Variants in PDCD10 observed in about 807,000 individuals in gnomAD.
The protein encoded by PDCD10 is programmed cell death 10.
A neutral mutation model predicts 29.2 loss-of-function variants in PDCD10; 4 were observed. That is an observed-to-expected ratio of 0.14 (90% CI 0.07 to 0.31). The LOEUF is 0.31. Ranked by LOEUF, PDCD10 falls within the 10% of genes least tolerant of loss-of-function variation. The pLI is 1.00. For synonymous variants in PDCD10, 70 were observed against 82.2 expected (o/e 0.85, Z 0.80); for missense variants, 183 against 257.9 (o/e 0.71, Z 1.99).
At chr3:167,732,351 G>C (rs1724908428) in intron 2 of PDCD10, among the ~76,000 whole-genome samples, 1 of 152,062 alleles carries the variant, frequency 6.6e-6, no homozygotes, top group African/African-American at 2.4e-5. Flanking sequence ...TATAATATAC[G>C]GAAGACATCC....
At chr3:167,706,323 A>G (rs1721957446) in intron 3 of PDCD10, among the ~76,000 whole-genome samples, 1 of 152,246 alleles carries the variant, frequency 6.6e-6, no homozygotes. Flanking sequence ...GATACACTGT[A>G]GTCATGCATC....
chr3:167,705,901 G>T (rs1249486969), intron 3 of PDCD10, among the ~76,000 whole-genome samples: 3 of 152,092 alleles, frequency 2.0e-5, no homozygotes, highest in Non-Finnish European at 4.4e-5. Context: ...TAACAATATA[G>T]CTCATTAGAT....
intron 6 of PDCD10, among the ~76,000 whole-genome samples, chr3:167,691,886 C>T (rs558523833): frequency 1.3e-5 from 2 of 152,254 alleles, no homozygotes; most frequent in East Asian, 3.9e-4. Context: ...TCTGTGCCTG[C>T]TTCAATTTCC....
chr3:167,709,239 C>G (rs1367280248), intron 3 of PDCD10, among the ~76,000 whole-genome samples: 1 of 152,052 alleles, frequency 6.6e-6, no homozygotes, highest in Non-Finnish European at 1.5e-5. Context: ...ATTTTACCAA[C>G]TACACACAAA....
intron 4 of PDCD10, among the ~76,000 whole-genome samples, chr3:167,700,361 T>C (rs1010595899): frequency 1.3e-5 from 2 of 152,056 alleles, no homozygotes; most frequent in Non-Finnish European, 2.9e-5. Context: ...GATAATACCA[T>C]GGGACCCGAC....
intron 3 of PDCD10, among the ~76,000 whole-genome samples, chr3:167,712,578 G>T (rs1722622788): frequency 6.6e-6 from 1 of 151,810 alleles, no homozygotes; most frequent in Non-Finnish European, 1.5e-5. Flanking sequence ...AAAACAACCA[G>T]AAAACAAGTA....
chr3:167,715,049 C>T lies in PDCD10; in HGVS notation c.96+5013G>A, dbSNP rs1446466154. Among the ~76,000 whole-genome samples, 3 of 151,490 alleles carry T rather than the reference C, an allele frequency of 2.0e-5. No individual in the cohort carries two copies. The East Asian group carries it at 5.8e-4, about 29-fold the overall frequency. On this transcript the variant is annotated intron_variant, in intron 3 of 8. Coordinates refer to ENST00000392750, the MANE Select transcript of PDCD10 (RefSeq NM_007217.4). Reference sequence around the variant, plus strand: ...CTATAGAGCTATAGTAGCCAAAATGCCATCTACTGGCAAAAAAAAAACCAG... The same window carrying T: ...CTATAGAGCTATAGTAGCCAAAATGTCATCTACTGGCAAAAAAAAAACCAG...
intron 4 of PDCD10, among the ~76,000 whole-genome samples, chr3:167,698,512 T>A (rs1457720832): frequency 6.6e-6 from 1 of 151,946 alleles, no homozygotes; most frequent in East Asian, 1.9e-4. Context: ...CTCCAGCCTA[T>A]GATACAGAAT....
In PDCD10 at chr3:167,688,521, A is replaced by G. The variant is rs555486037; in HGVS notation, c.396-828T>C. On this transcript the variant is annotated intron_variant, in intron 6 of 8. Coordinates refer to ENST00000392750, the MANE Select transcript of PDCD10 (RefSeq NM_007217.4). Reference sequence around the variant, plus strand: ...TGACTGTTCTTCCTATCCATGCACCATTTTTTCTGAACTTTTTTTTGCCTT... The same window carrying G: ...TGACTGTTCTTCCTATCCATGCACCGTTTTTTCTGAACTTTTTTTTGCCTT... 2.9e-3 allele frequency among the ~76,000 whole-genome samples: 446 copies of G among 152,050 alleles called. 3 individuals are homozygous for G. Among genetic ancestry groups the G allele is most frequent in the African/African-American group, 0.01 (424 of 41,474 alleles).
At chr3:167,732,511 GACA>G (rs1724925931) in intron 2 of PDCD10, among the ~76,000 whole-genome samples, 1 of 152,120 alleles carries the variant, frequency 6.6e-6, no homozygotes, top group South Asian at 2.1e-4. Flanking sequence ...GATCTAAAGT[GACA>G]ACAGTACCGC....
At chr3:167,695,829 C>T (rs903161909) in intron 5 of PDCD10, 107 bp from the exon 6 acceptor site, 14 of 1,093,040 alleles carry the variant, frequency 1.3e-5, no homozygotes, top group African/African-American at 7.7e-5. Context: ...AGGTGAAAGG[C>T]CAGATAATTA....
intron 4 of PDCD10, among the ~76,000 whole-genome samples, chr3:167,703,539 A>C (rs1402760476): frequency 6.6e-6 from 1 of 152,108 alleles, no homozygotes; most frequent in East Asian, 1.9e-4. Flanking sequence ...TTATAGTTTC[A>C]ACTCCAATTA....
chr3:167,703,438 A>G (rs1721646065), intron 4 of PDCD10, among the ~76,000 whole-genome samples: 1 of 152,156 alleles, frequency 6.6e-6, no homozygotes, highest in African/African-American at 2.4e-5. Context: ...TATTAAAGTA[A>G]TATGAGATAC....
chr3:167,713,603 T>C (rs914407195), intron 3 of PDCD10, among the ~76,000 whole-genome samples: 5 of 151,422 alleles, frequency 3.3e-5, no homozygotes, highest in African/African-American at 9.7e-5. Context: ...AAATACAAAA[T>C]ATCAATGAAA....
chr3:167,692,753 C>T (rs1269196340), intron 6 of PDCD10, among the ~76,000 whole-genome samples: 2 of 152,150 alleles, frequency 1.3e-5, no homozygotes, highest in Non-Finnish European at 2.9e-5. Context: ...CCCATCTCTA[C>T]TAAAAATACA....
chr3:167,726,140 A>G (rs1263812732), intron 2 of PDCD10, among the ~76,000 whole-genome samples: 2 of 52,428 alleles, frequency 3.8e-5, no homozygotes, highest in Non-Finnish European at 6.9e-5. Flanking sequence ...TTTTTTTTTG[A>G]GACAGAGTTT....
intron 6 of PDCD10, among the ~76,000 whole-genome samples, chr3:167,693,215 T>G (rs867110605): frequency 3.9e-5 from 6 of 152,246 alleles, no homozygotes; most frequent in Non-Finnish European, 7.3e-5. Flanking sequence ...TTTCAAAAGA[T>G]GAATGTTTTC....
chr3:167,690,394 A>G (rs1318746190), intron 6 of PDCD10, among the ~76,000 whole-genome samples: 1 of 152,216 alleles, frequency 6.6e-6, no homozygotes, highest in Non-Finnish European at 1.5e-5. Flanking sequence ...GAAAAAATCT[A>G]TTCTGAACCC....
At chr3:167,697,836 G>C (rs894049752) in intron 4 of PDCD10, 3 of 435,136 alleles carry the variant, frequency 6.9e-6, no homozygotes, top group Non-Finnish European at 1.4e-5. Flanking sequence ...ACTGGGCATA[G>C]AGTTCTGAGT....
Sources: gnomAD v4.1 joint callset for allele counts (sites outside exome capture counted in the v4.1 genomes callset) on GRCh38, gnomAD v4.1.1 for gene constraint, MANE v1.5 for transcripts, NCBI Gene and HGNC (gene_info 2026-07-23, HGNC 2026-07-21) for gene names.